TXNDC11: variants seen among roughly 807,000 people sequenced by gnomAD.
TXNDC11 encodes the protein thioredoxin domain containing 11.
Under a neutral mutation model 78.0 loss-of-function variants are expected in TXNDC11, and 68 were observed. The ratio of observed to expected loss-of-function variants is 0.87; its 90% CI spans 0.72 to 1.07. TXNDC11 has a LOEUF of 1.07. Ranked by LOEUF, TXNDC11 falls within the 50% of genes least tolerant of loss-of-function variation. The pLI is 0.00. For missense variants in TXNDC11, 1,389 were observed against 1,221.8 expected (o/e 1.14, Z -2.04); for synonymous variants, 571 against 495.2 (o/e 1.15, Z -2.03).
Position 11,691,609 on chromosome 16 carries a change from A to C in TXNDC11, c.1581T>G (p.Phe527Leu). 6.2e-7 allele frequency: 1 copy of C among 1,614,226 alleles called. No homozygotes were observed. Among genetic ancestry groups the C allele is most frequent in the Admixed American group, 1.7e-5 (1 of 60,034 alleles). ...SGFIDSEQGV[F>L]EAPTVAFSSL... ...AAGAAAATGCAACAGTAGGGGCTTC[A>C]AAGACACCTTGTTCAGAGTCGATGA... Residue 527 changes from phenylalanine to leucine, a missense_variant, in exon 8 of 12, where the codon TTT becomes TTG. Transcript: ENST00000283033.
At chr16:11,697,875 C>T (rs1414951194) in intron 7 of TXNDC11, among the ~76,000 whole-genome samples, 2 of 152,228 alleles carry the variant, frequency 1.3e-5, no homozygotes, top group African/African-American at 4.8e-5. Context: ...GGCTTCCCTG[C>T]CTCTTCCCAC....
At chr16:11,683,616 G>C (rs888837179) in intron 11 of TXNDC11, among the ~76,000 whole-genome samples, 2 of 152,128 alleles carry the variant, frequency 1.3e-5, no homozygotes, top group African/African-American at 4.8e-5. Context: ...GTTCATACAG[G>C]CCATGAAAGC....
chr16:11,686,131 T>A (rs1279833266), intron 10 of TXNDC11, among the ~76,000 whole-genome samples: 1 of 152,114 alleles, frequency 6.6e-6, no homozygotes, highest in Non-Finnish European at 1.5e-5. Flanking sequence ...GCTAATTTTT[T>A]ATTTTTAGTA....
At chr16:11,721,716 A>T in intron 4 of TXNDC11, 46 bp from the exon 5 acceptor site, 1 of 1,067,974 alleles carries the variant, frequency 9.4e-7, no homozygotes, top group Non-Finnish European at 1.4e-6. Flanking sequence ...ACTGTCAGCC[A>T]CAGTGTAATG....
intron 2 of TXNDC11, 139 bp from the exon 3 acceptor site, chr16:11,734,218 CA>C: frequency 1.5e-6 from 1 of 671,484 alleles, no homozygotes; most frequent in Non-Finnish European, 2.6e-6. Context: ...TTTGAGTTTT[CA>C]AAGGTCATAA....
chr16:11,730,802 A>G, intron 3 of TXNDC11, 28 bp from the exon 4 acceptor site: 1 of 1,452,994 alleles, frequency 6.9e-7, no homozygotes, highest in African/African-American at 1.4e-5. Flanking sequence ...AAATAAAAAT[A>G]AAAATAATAA....
Position 11,742,848 on chromosome 16 carries a change from C to G in TXNDC11, c.-118G>C, listed in dbSNP as rs1040741252. 1 of 1,310,668 alleles carries G rather than the reference C, an allele frequency of 7.6e-7. No individual in the cohort carries two copies. The highest frequency in any genetic ancestry group is 1.6e-5 in the African/African-American group (1 of 64,512). The allele number at this position is 1,310,668 out of a possible 1,614,324, so 81.2% of individuals were successfully genotyped here. A position where few individuals can be genotyped will look rare whatever the true frequency, so the allele number is the denominator to read the frequency against. On this transcript the variant is annotated 5_prime_UTR_variant, in exon 1 of 12. Transcript: ENST00000283033. ...CGCACCCGCTAACCCGGACGCTCCA[C>G]GTCAGCCGCGCCGCCGCCGCGGGGT...
At chr16:11,712,541 T>C (rs1457895304) in intron 5 of TXNDC11, among the ~76,000 whole-genome samples, 1 of 152,210 alleles carries the variant, frequency 6.6e-6, no homozygotes, top group South Asian at 2.1e-4. Context: ...TATAGCTATA[T>C]CACATACCAG....
intron 8 of TXNDC11, chr16:11,690,838 G>A (rs541110612): frequency 1.2e-5 from 2 of 164,466 alleles, no homozygotes; most frequent in East Asian, 3.6e-4. Flanking sequence ...GGGATTACAG[G>A]CGTGAGCCAC....
At position 11,721,102 on chromosome 16, in the gene TXNDC11, T is replaced by C. The variant is rs149500888; in HGVS notation, c.793+475A>G. On this transcript the variant is annotated intron_variant, in intron 5 of 11. Transcript: ENST00000283033. Reference sequence around the variant, plus strand: ...GACTATATGTGAAACAGAACAGTATTTCCTGTTTGCTAATGATGGAACACT... The same window carrying C: ...GACTATATGTGAAACAGAACAGTATCTCCTGTTTGCTAATGATGGAACACT... Among the ~76,000 whole-genome samples, 64 of 152,116 alleles carry C rather than the reference T, an allele frequency of 4.2e-4. 1 individual carries two copies. The East Asian group carries it at 0.01, about 25-fold the overall frequency.
At chr16:11,694,790 T>G (rs2050815750) in intron 7 of TXNDC11, among the ~76,000 whole-genome samples, 1 of 152,278 alleles carries the variant, frequency 6.6e-6, no homozygotes, top group Non-Finnish European at 1.5e-5. Flanking sequence ...ATCATTTTTC[T>G]CCTATGAAGG....
intron 5 of TXNDC11, among the ~76,000 whole-genome samples, chr16:11,713,376 TAAAC>T (rs2051425632): frequency 1.3e-5 from 2 of 152,194 alleles, no homozygotes; most frequent in African/African-American, 2.4e-5. Flanking sequence ...TCAACTGAAT[TAAAC>T]AGTCAGTTTT....
At position 11,729,824 on chromosome 16, in the gene TXNDC11, G is replaced by A. The variant is rs771191832; in HGVS notation, c.699+821C>T. On this transcript the variant is annotated intron_variant, in intron 4 of 11. Coordinates refer to ENST00000283033, the MANE Select transcript of TXNDC11 (RefSeq NM_015914.7). ...AAGATCCTACAGGGCTGGGCGTGGC[G>A]TCCCACACCTGCAATCCCAGCACTG... Among the ~76,000 whole-genome samples the A allele has an allele frequency of 4.6e-5, 7 of 152,120 alleles. No homozygotes were observed. In the South Asian group the frequency reaches 8.3e-4, roughly 18 times the overall value.
intron 5 of TXNDC11, among the ~76,000 whole-genome samples, chr16:11,702,231 C>T (rs928739739): frequency 6.6e-6 from 1 of 151,714 alleles, no homozygotes; most frequent in Non-Finnish European, 1.5e-5. Flanking sequence ...ATGTGTGAAG[C>T]TTTCATTTTT....
At chr16:11,722,195 C>A (rs368763443) in intron 4 of TXNDC11, among the ~76,000 whole-genome samples, 1 of 152,174 alleles carries the variant, frequency 6.6e-6, no homozygotes, top group East Asian at 1.9e-4. Context: ...CAACAGGAAA[C>A]AAACCACAGA....
At position 11,679,256 on chromosome 16, in the gene TXNDC11, G is replaced by A; in HGVS notation, c.2816C>T (p.Pro939Leu). Residue 939 changes from proline to leucine, a missense_variant, in exon 12 of 12, where the codon CCA (proline) becomes CTA (leucine). Pro to Leu is a moderately conservative substitution (Grantham distance 98). Transcript: ENST00000283033. The surrounding 1 kb of genome is among the most constrained non-coding windows in gnomAD (Gnocchi z 4.6). ...CAGTGTGGCGCTGACATTGGCAGGT[G>A]GAGGGGAGCTGCCAGGGAGCTGGGG... ...ATPQLPGSSP[P>L]PANVSATLVS... 6.2e-7 allele frequency: 1 copy of A among 1,613,266 alleles called. No individual in the cohort carries two copies. The highest frequency in any genetic ancestry group is 8.5e-7 in the Non-Finnish European group (1 of 1,180,012).
chr16:11,685,307 C>T (rs912943938), intron 10 of TXNDC11, among the ~76,000 whole-genome samples: 3 of 151,998 alleles, frequency 2.0e-5, no homozygotes, highest in Non-Finnish European at 4.4e-5. Context: ...GCTGTGATTG[C>T]ACCACTGCAT....
intron 2 of TXNDC11, 65 bp downstream of exon 2, chr16:11,735,952 G>A: frequency 6.6e-7 from 1 of 1,519,424 alleles, no homozygotes; most frequent in South Asian, 1.1e-5. Flanking sequence ...TGTCTCTGTG[G>A]GGACATCCTG....
intron 5 of TXNDC11, among the ~76,000 whole-genome samples, chr16:11,718,068 G>T (rs941000823): frequency 2.6e-5 from 4 of 152,110 alleles, no homozygotes; most frequent in African/African-American, 9.7e-5. Flanking sequence ...CGTTAAGTGG[G>T]GGGTAAAGGA....
Sources: allele counts gnomAD v4.1 joint callset (sites outside exome capture counted in the v4.1 genomes callset), GRCh38; gene constraint gnomAD v4.1.1; non-coding constraint Gnocchi (gnomAD v3.1); transcripts MANE v1.5; gene names NCBI Gene and HGNC (gene_info 2026-07-23, HGNC 2026-07-21).